Variants in ATRX observed in about 807,000 individuals in gnomAD.
ATRX encodes ATRX chromatin remodeler, also known as chromatin remodeler ATRX.
A neutral mutation model predicts 172.6 loss-of-function variants in ATRX; 12 were observed. The observed-to-expected ratio is 0.07, with a 90% CI of 0.04 to 0.11. The LOEUF (loss-of-function observed/expected upper bound fraction) is 0.11. Among genes scored for constraint, ATRX ranks in the 10% least tolerant of loss-of-function variants. The probability of loss-of-function intolerance (pLI) is 1.00; values close to 1 mark genes in which losing one functional copy is unlikely to be tolerated. For synonymous variants in ATRX, 674 were observed against 594.7 expected, an observed-to-expected ratio of 1.13 and a Z score of -1.94; for missense variants, 1,368 against 1,767.4, an observed-to-expected ratio of 0.77 and a Z score of 4.05.
chrX:77,540,802 G>T (rs1205108548), intron 30 of ATRX, among the ~76,000 whole-genome samples: 2 of 111,789 alleles, frequency 1.8e-5, no homozygotes, highest in Non-Finnish European at 1.9e-5. Flanking sequence ...AAATCTCTGG[G>T]ACACATTTAA....
At chrX:77,687,929 C>T (rs1372004750) in intron 7 of ATRX, among the ~76,000 whole-genome samples, 1 of 111,571 alleles carries the variant, frequency 9.0e-6, no homozygotes, top group Non-Finnish European at 1.9e-5. Flanking sequence ...ATAACCTTGA[C>T]ATTTATAGGT....
chrX:77,608,285 C>T (rs782319642), intron 22 of ATRX, among the ~76,000 whole-genome samples: 1 of 105,068 alleles, frequency 9.5e-6, no homozygotes, highest in African/African-American at 3.5e-5. Context: ...AGAAGAATGG[C>T]GTGAACCCAG....
chrX:77,783,798 T>TG (rs2076645656), intron 1 of ATRX, among the ~76,000 whole-genome samples: 1 of 111,783 alleles, frequency 8.9e-6, no homozygotes, highest in Admixed American at 9.6e-5. Flanking sequence ...AACACCTACT[T>TG]GGAGCTCTTT....
intron 22 of ATRX, among the ~76,000 whole-genome samples, chrX:77,615,525 T>G (rs2067320022): frequency 8.9e-6 from 1 of 111,793 alleles, no homozygotes; most frequent in Non-Finnish European, 1.9e-5. Context: ...TGCCTGCAAT[T>G]TTTATTATTC....
intron 1 of ATRX, among the ~76,000 whole-genome samples, chrX:77,727,108 T>C (rs945867618): frequency 9.0e-6 from 1 of 111,149 alleles, no homozygotes; most frequent in African/African-American, 3.3e-5. Flanking sequence ...ATTAGAGAAA[T>C]GCAAATCAAA....
At chrX:77,759,700 C>T (rs975995260) in intron 1 of ATRX, among the ~76,000 whole-genome samples, 1 of 110,047 alleles carries the variant, frequency 9.1e-6, no homozygotes, top group South Asian at 3.9e-4. Context: ...GGCGACCCAG[C>T]GAGACTCTGT....
chrX:77,552,679 C>G (rs1175795889), intron 30 of ATRX, among the ~76,000 whole-genome samples: 2 of 111,280 alleles, frequency 1.8e-5, no homozygotes, highest in Admixed American at 1.9e-4. Flanking sequence ...GAATGCAGTT[C>G]TTGCCTTTAA....
rs782265774 is a variant in ATRX at position 77,733,217 on chromosome X, T to C, written c.21-15974A>G. On this transcript the variant is annotated intron_variant, in intron 1 of 34. Coordinates refer to ENST00000373344, the MANE Select transcript of ATRX (RefSeq NM_000489.6). ...TGGAAGAATCAATATTGTTAAACTGTCCATACTATCCAAAGCAATCTATAG... is the reference window on the plus strand; with the variant it reads ...TGGAAGAATCAATATTGTTAAACTGCCCATACTATCCAAAGCAATCTATAG... 6.3e-5 allele frequency among the ~76,000 whole-genome samples: 7 copies of C among 111,760 alleles called. No individual in the cohort carries two copies. The South Asian group carries it at 2.6e-3, about 41-fold the overall frequency.
At chrX:77,628,745 C>A (rs2067983966) in intron 19 of ATRX, among the ~76,000 whole-genome samples, 1 of 111,541 alleles carries the variant, frequency 9.0e-6, no homozygotes, top group Non-Finnish European at 1.9e-5. Context: ...ATAGCTGAGA[C>A]TACAGGTGTG....
At chrX:77,693,449 G>A (rs1557148134) in intron 6 of ATRX, among the ~76,000 whole-genome samples, 1 of 111,890 alleles carries the variant, frequency 8.9e-6, no homozygotes, top group Non-Finnish European at 1.9e-5. Flanking sequence ...GCAGATGTAC[G>A]TCACTCTATC....
Position 77,684,011 on chromosome X carries a change from G to A in ATRX, c.1245C>T (p.Ser415=), listed in dbSNP as rs141815992. 57 of 1,205,305 alleles carry A rather than the reference G, an allele frequency of 4.7e-5. No homozygotes were observed. The highest frequency in any genetic ancestry group is 2.3e-4 in the Middle Eastern group (1 of 4,363). The change falls in exon 9 of 35, where the codon TCC becomes TCT. Residue 415 remains serine, a synonymous_variant. Transcript: ENST00000373344. ...AHLALEEDLN[S]EFRAMDAVNK... is the part of the protein sequence containing the mutation. ...TTACAGCATCCATCGCTCGAAACTC[G>A]GAATTTAAGTCTTCTTCCAATGCAA...
chrX:77,703,625 T>C (rs1480144904), intron 2 of ATRX, among the ~76,000 whole-genome samples: 1 of 112,425 alleles, frequency 8.9e-6, no homozygotes, highest in Non-Finnish European at 1.9e-5. Flanking sequence ...TCTTCTTTCC[T>C]TCTCTTCACC....
chrX:77,754,871 C>T (rs1255089893), intron 1 of ATRX, among the ~76,000 whole-genome samples: 2 of 111,505 alleles, frequency 1.8e-5, no homozygotes, highest in Non-Finnish European at 3.8e-5. Context: ...CTGATTTGAA[C>T]GTTGGCCTGT....
intron 28 of ATRX, 132 bp downstream of exon 28, chrX:77,574,118 C>G (rs921170367): frequency 1.8e-5 from 8 of 451,209 alleles, no homozygotes; most frequent in Non-Finnish European, 2.7e-5. Flanking sequence ...GGAGTGATGA[C>G]ACTGTTTTGC....
At chrX:77,694,626 TA>T (rs2072081214) in intron 5 of ATRX, among the ~76,000 whole-genome samples, 1 of 111,059 alleles carries the variant, frequency 9.0e-6, no homozygotes, top group African/African-American at 3.3e-5. Context: ...TCCTTAACTA[TA>T]AAACATGTGA....
At chrX:77,771,502 C>T (rs1336330293) in intron 1 of ATRX, among the ~76,000 whole-genome samples, 3 of 110,403 alleles carry the variant, frequency 2.7e-5, no homozygotes, top group Non-Finnish European at 5.7e-5. Context: ...GCTCCTCTAC[C>T]GTATCTCTAG....
intron 30 of ATRX, among the ~76,000 whole-genome samples, chrX:77,536,880 G>C (rs1296218671): frequency 6.3e-5 from 7 of 111,278 alleles, no homozygotes; most frequent in Non-Finnish European, 1.3e-4. Flanking sequence ...CCAAAAAAAG[G>C]TGGTAACTTT....
intron 25 of ATRX, among the ~76,000 whole-genome samples, chrX:77,598,574 T>G (rs2066552680): frequency 8.9e-6 from 1 of 112,058 alleles, no homozygotes; most frequent in South Asian, 3.7e-4. Flanking sequence ...TATAGACAGT[T>G]AACTGCTTTG....
intron 30 of ATRX, among the ~76,000 whole-genome samples, chrX:77,556,915 C>T (rs1339280831): frequency 8.9e-6 from 1 of 111,814 alleles, no homozygotes; most frequent in Non-Finnish European, 1.9e-5. Context: ...GTTACCTAGC[C>T]TCTCTGAACC....
Sources: allele counts gnomAD v4.1 joint callset (sites outside exome capture counted in the v4.1 genomes callset), GRCh38; gene constraint gnomAD v4.1.1; transcripts MANE v1.5; gene names NCBI Gene and HGNC (gene_info 2026-07-23, HGNC 2026-07-21).